PARD3: variants seen among roughly 807,000 people sequenced by gnomAD.
PARD3 encodes par-3 family cell polarity regulator.
A neutral mutation model predicts 155.4 loss-of-function variants in PARD3; 75 were observed. The observed-to-expected ratio is 0.48, with a 90% CI of 0.40 to 0.58. The LOEUF is 0.58. PARD3 is among the 20% of genes least tolerant of loss of function. The probability of loss-of-function intolerance (pLI) is 0.00; values close to 1 mark genes in which losing one functional copy is unlikely to be tolerated. For synonymous variants in PARD3, 576 were observed against 610.5 expected (o/e 0.94, Z 0.83); for missense variants, 1,642 against 1,721.7 (o/e 0.95, Z 0.82).
At chr10:34,720,673 T>A (rs996255513) in intron 1 of PARD3, among the ~76,000 whole-genome samples, 2 of 151,974 alleles carry the variant, frequency 1.3e-5, no homozygotes, top group African/African-American at 4.8e-5. Context: ...AGCACATGCC[T>A]GTAATCCCAG....
intron 5 of PARD3, among the ~76,000 whole-genome samples, chr10:34,412,240 G>A (rs983237561): frequency 6.6e-6 from 1 of 152,060 alleles, no homozygotes; most frequent in Admixed American, 6.6e-5. Context: ...TAGGAATACA[G>A]GCATGAACCC....
Position 34,516,837 on chromosome 10 carries a change from A to G in PARD3, c.403+142T>C, listed in dbSNP as rs961916153. The G allele has an allele frequency of 6.8e-6, 5 of 733,340 alleles. No individual in the cohort carries two copies. In the African/African-American group the frequency reaches 7.1e-5, roughly 10 times the overall value. 45.4% of individuals were successfully genotyped at this position (733,340 alleles called of 1,614,324 possible). On this transcript the variant is annotated intron_variant, in intron 3 of 24. Transcript: ENST00000374788. The stretch of plus-strand genomic sequence containing the variant: ...TAAAGAACTGCCTACTTCTCTTGCA[A>G]AGAACATTTGCCTGGGTCCTAAACT...
intron 22 of PARD3, among the ~76,000 whole-genome samples, chr10:34,172,417 A>G (rs1822127): frequency 0.43 from 65,889 of 152,064 alleles, 14,857 homozygotes; most frequent in Non-Finnish European, 0.5. Flanking sequence ...TCACAATTTT[A>G]TAAAAAGCTC....
chr10:34,112,391 T>C (rs1341779737), intron 24 of PARD3, among the ~76,000 whole-genome samples: 1 of 152,212 alleles, frequency 6.6e-6, no homozygotes, highest in African/African-American at 2.4e-5. Flanking sequence ...AACATTATTG[T>C]TTTGAAACAT....
intron 22 of PARD3, among the ~76,000 whole-genome samples, chr10:34,257,534 A>G (rs1954720087): frequency 6.6e-6 from 1 of 152,230 alleles, no homozygotes; most frequent in Non-Finnish European, 1.5e-5. Flanking sequence ...TGATCATGGA[A>G]TGGCCTAAAA....
At chr10:34,681,776 T>A (rs1289370882) in intron 2 of PARD3, among the ~76,000 whole-genome samples, 348 of 46,836 alleles carry the variant, frequency 7.4e-3, no homozygotes, top group Non-Finnish European at 0.011. Flanking sequence ...ATATTTTTTT[T>A]TTTTTTTTTT....
intron 2 of PARD3, among the ~76,000 whole-genome samples, chr10:34,533,824 A>C (rs573940358): frequency 1.1e-4 from 17 of 151,566 alleles, no homozygotes; most frequent in Non-Finnish European, 1.8e-4. Flanking sequence ...ACAAAAAAAA[A>C]CAGACTATTG....
intron 22 of PARD3, among the ~76,000 whole-genome samples, chr10:34,207,399 T>A (rs1353029545): frequency 1.3e-5 from 2 of 152,146 alleles, no homozygotes; most frequent in African/African-American, 4.8e-5. Context: ...AGCATTAAAG[T>A]AATTGAATGC....
At chr10:34,152,892 T>C (rs1948843642) in intron 22 of PARD3, among the ~76,000 whole-genome samples, 1 of 152,156 alleles carries the variant, frequency 6.6e-6, no homozygotes, top group Non-Finnish European at 1.5e-5. Flanking sequence ...AATGATAAGG[T>C]AGCCTTGTGA....
chr10:34,374,775 C>T, intron 11 of PARD3, 99 bp downstream of exon 11: 2 of 1,135,362 alleles, frequency 1.8e-6, no homozygotes, highest in Non-Finnish European at 2.6e-6. Flanking sequence ...CTAGAAACTC[C>T]TCAGAAAATG....
At position 34,140,443 on chromosome 10, in the gene PARD3, T is replaced by C. The variant is rs1192600164; in HGVS notation, c.3420-8860A>G. ...CCTGTCACCTGTATCACCTGTACAG[T>C]TTGTGAAAAAGTATTAATCGCTAAA... is the stretch of plus-strand genomic sequence containing the variant. On this transcript the variant is annotated intron_variant, in intron 22 of 24. Coordinates refer to ENST00000374788, the MANE Select transcript of PARD3 (RefSeq NM_001184785.2). Among the ~76,000 whole-genome samples, 4 of 152,078 alleles carry C rather than the reference T, an allele frequency of 2.6e-5. No individual in the cohort carries two copies. In the East Asian group the frequency reaches 7.7e-4, roughly 29 times the overall value.
At chr10:34,379,119 C>T (rs1182025493) in intron 9 of PARD3, among the ~76,000 whole-genome samples, 1 of 151,880 alleles carries the variant, frequency 6.6e-6, no homozygotes, top group Non-Finnish European at 1.5e-5. Flanking sequence ...AATGCTTGCT[C>T]ATTATGGGAA....
intron 2 of PARD3, among the ~76,000 whole-genome samples, chr10:34,632,507 GAGA>G (rs928218924): frequency 6.6e-6 from 1 of 152,212 alleles, no homozygotes; most frequent in Non-Finnish European, 1.5e-5. Context: ...AGACAGACCA[GAGA>G]AGAACAGTAT....
At chr10:34,465,954 G>C (rs1034949304) in intron 4 of PARD3, among the ~76,000 whole-genome samples, 4 of 152,122 alleles carry the variant, frequency 2.6e-5, no homozygotes, top group African/African-American at 9.7e-5. Flanking sequence ...GAAGACCAAA[G>C]AGGTGGCAAG....
At chr10:34,247,223 T>C (rs939957317) in intron 22 of PARD3, among the ~76,000 whole-genome samples, 3 of 152,126 alleles carry the variant, frequency 2.0e-5, no homozygotes, top group East Asian at 1.9e-4. Flanking sequence ...ACAGACAGGA[T>C]AGACATGGTG....
intron 20 of PARD3, among the ~76,000 whole-genome samples, chr10:34,298,443 T>C (rs1228293307): frequency 1.3e-5 from 2 of 152,140 alleles, no homozygotes; most frequent in Non-Finnish European, 2.9e-5. Flanking sequence ...TGACACACAC[T>C]ACAACACGGA....
chr10:34,178,053 T>TA (rs948506145), intron 22 of PARD3, among the ~76,000 whole-genome samples: 3 of 152,142 alleles, frequency 2.0e-5, no homozygotes, highest in African/African-American at 7.2e-5. Context: ...AACTTAGCTG[T>TA]AAAAAAATAA....
chr10:34,186,834 C>A (rs1950514443), intron 22 of PARD3, among the ~76,000 whole-genome samples: 1 of 152,152 alleles, frequency 6.6e-6, no homozygotes, highest in Non-Finnish European at 1.5e-5. Context: ...TCCACTCCAA[C>A]CCTTCCCAAC....
chr10:34,283,888 A>G (rs1956266553), intron 21 of PARD3, among the ~76,000 whole-genome samples: 3 of 151,524 alleles, frequency 2.0e-5, no homozygotes, highest in Admixed American at 2.0e-4. Context: ...ATGCTGTTCT[A>G]TTTCCTATGC....
Sources: gnomAD v4.1 joint callset for allele counts (sites outside exome capture counted in the v4.1 genomes callset) on GRCh38, gnomAD v4.1.1 for gene constraint, MANE v1.5 for transcripts, NCBI Gene and HGNC (gene_info 2026-07-23, HGNC 2026-07-21) for gene names.